The following NFU1 variants were observed in gnomAD, a reference collection of about 807,000 sequenced individuals.
NFU1 encodes NFU1 iron-sulfur cluster scaffold, also known as NFU1 iron-sulfur cluster scaffold homolog, mitochondrial.
Under a neutral mutation model 32.2 loss-of-function variants are expected in NFU1, and 30 were observed. That is an observed-to-expected ratio of 0.93 (90% CI 0.70 to 1.26). The LOEUF (loss-of-function observed/expected upper bound fraction) is 1.26. NFU1 is among the 50% of genes most tolerant of loss of function. The pLI is 0.00. For missense variants in NFU1, 306 were observed against 306.6 expected (o/e 1.00, Z 0.02); for synonymous variants, 112 against 104.6 (o/e 1.07, Z -0.43).
In NFU1 at chr2:69,425,636, T is replaced by A. The variant is rs1038492149; in HGVS notation, c.167-1919A>T. ...TCCCAAAGTGGTGGGATTACAGGTG[T>A]AAGCCACTGTGCCCGGCCTAATTTT... On this transcript the variant is annotated intron_variant, in intron 2 of 7. Transcript: ENST00000410022. Among the ~76,000 whole-genome samples the A allele has an allele frequency of 4.6e-5, 7 of 152,064 alleles. No homozygotes were observed. In the East Asian group the frequency reaches 1.4e-3, roughly 29 times the overall value.
At chr2:69,439,541 C>T (rs967865756), upstream of NFU1, among the ~76,000 whole-genome samples, 4 of 152,212 alleles carry the variant, frequency 2.6e-5, no homozygotes, top group African/African-American at 7.2e-5. Context: ...GCTTTCATAA[C>T]ATGGAAGGGG....
chr2:69,428,974 T>C (rs931961079), intron 2 of NFU1, among the ~76,000 whole-genome samples: 2 of 152,162 alleles, frequency 1.3e-5, no homozygotes, highest in African/African-American at 4.8e-5. Flanking sequence ...CTCCCATACA[T>C]TTTGTTTAAA....
intron 6 of NFU1, among the ~76,000 whole-genome samples, chr2:69,401,898 CTTT>C (rs10707742): frequency 1.4e-5 from 2 of 145,026 alleles, no homozygotes; most frequent in Non-Finnish European, 1.5e-5. Flanking sequence ...ATCTTTTTTC[CTTT>C]TTTTTTTTTG....
At chr2:69,421,245 T>A (rs1398417374) in intron 3 of NFU1, among the ~76,000 whole-genome samples, 1 of 151,738 alleles carries the variant, frequency 6.6e-6, no homozygotes, top group Non-Finnish European at 1.5e-5. Context: ...AAATAAAATA[T>A]GAAAAACAAA....
intron 6 of NFU1, among the ~76,000 whole-genome samples, chr2:69,404,239 C>A (rs1672621026): frequency 6.6e-6 from 1 of 151,356 alleles, no homozygotes; most frequent in African/African-American, 2.4e-5. Flanking sequence ...CGCCTGTAAT[C>A]CCGGCACTTT....
At chr2:69,421,851 C>G (rs564099752) in intron 3 of NFU1, among the ~76,000 whole-genome samples, 1 of 151,956 alleles carries the variant, frequency 6.6e-6, no homozygotes, top group Non-Finnish European at 1.5e-5. Context: ...GATGAGCCAC[C>G]GCACCTGGCC....
At chr2:69,433,303 C>T (rs1235012040) in intron 1 of NFU1, among the ~76,000 whole-genome samples, 2 of 151,946 alleles carry the variant, frequency 1.3e-5, no homozygotes, top group East Asian at 3.9e-4. Context: ...CTCAGCCTCC[C>T]GAGTAGCTGA....
At chr2:69,413,281 G>A (rs1210806884) in intron 5 of NFU1, among the ~76,000 whole-genome samples, 4 of 122,556 alleles carry the variant, frequency 3.3e-5, no homozygotes, top group African/African-American at 6.2e-5. Flanking sequence ...GCGAAACTCC[G>A]TTTCAAAAAA....
rs1442114906 is a variant in NFU1 at position 69,424,201 on chromosome 2, A to ATATATATATATG, written c.167-485_167-484insCATATATATATA. Reference sequence around the variant, plus strand: ...AAAAAAAAAAAAAAAAAAAAAAAATATATATATATATATATATATCTCAAT... The same window carrying ATATATATATATG: ...AAAAAAAAAAAAAAAAAAAAAAAATATATATATATATGTATATATATATATATATATCTCAAT... On this transcript the variant is annotated intron_variant, in intron 2 of 7. Transcript: ENST00000410022. Among the ~76,000 whole-genome samples the ATATATATATATG allele has an allele frequency of 2.2e-3, 180 of 82,156 alleles. 5 individuals carry two copies. The East Asian group carries it at 0.044, about 20-fold the overall frequency. 53.9% of individuals were successfully genotyped at this position (82,156 alleles called of 152,430 possible).
At chr2:69,405,531 T>C (rs368927094) in intron 6 of NFU1, among the ~76,000 whole-genome samples, 14 of 152,324 alleles carry the variant, frequency 9.2e-5, no homozygotes, top group African/African-American at 3.1e-4. Context: ...CTGGCAGCTA[T>C]CTAATGCTTT....
At chr2:69,431,304 C>T (rs147667633) in intron 2 of NFU1, among the ~76,000 whole-genome samples, 80 of 151,960 alleles carry the variant, frequency 5.3e-4, no homozygotes, top group African/African-American at 1.8e-3. Flanking sequence ...AAACACAATC[C>T]CCATTTGAAA....
intron 1 of NFU1, among the ~76,000 whole-genome samples, chr2:69,434,379 T>C (rs188131129): frequency 2.6e-5 from 4 of 152,018 alleles, no homozygotes; most frequent in Non-Finnish European, 5.9e-5. Flanking sequence ...CCTGACCTCA[T>C]GATCCACTAG....
rs182993308 is a variant in NFU1, at chr2:69,425,061, G to A, written c.167-1344C>T. 8.6e-5 allele frequency among the ~76,000 whole-genome samples: 13 copies of A among 151,922 alleles called. No homozygotes were observed. In the East Asian group the frequency reaches 2.3e-3, roughly 27 times the overall value. On this transcript the variant is annotated intron_variant, in intron 2 of 7. Coordinates refer to ENST00000410022, the MANE Select transcript of NFU1 (RefSeq NM_001002755.4). Reference sequence around the variant, plus strand: ...CCGGCTAATTTTTTCTGTATTTTTAGTAGAGACGGGGTTTCACTGTGTTAC... The same window carrying A: ...CCGGCTAATTTTTTCTGTATTTTTAATAGAGACGGGGTTTCACTGTGTTAC...
In NFU1 at chr2:69,396,225, C is replaced by T; in HGVS notation, c.*21G>A. On this transcript the variant is annotated 3_prime_UTR_variant, in exon 8 of 8. Coordinates refer to ENST00000410022, the MANE Select transcript of NFU1 (RefSeq NM_001002755.4). ...TTATCAACAAGTCTGACTGTTATGC[C>T]CAAAGAAAATCCAGATTATTTTAAG... 1.2e-6 allele frequency: 2 copies of T among 1,602,582 alleles called. No homozygotes were observed. Among genetic ancestry groups the T allele is most frequent in the Admixed American group, 1.7e-5 (1 of 59,922 alleles).
intron 2 of NFU1, among the ~76,000 whole-genome samples, chr2:69,424,217 A>ATCTCTC (rs1381979003): frequency 1.5e-5 from 2 of 130,578 alleles, no homozygotes; most frequent in African/African-American, 6.3e-5. Context: ...ATATATATAT[A>ATCTCTC]TATCTCAATA....
At position 69,437,174 on chromosome 2, in the gene NFU1, C is replaced by T. The variant is rs1673870895; in HGVS notation, c.62+187G>A. 3.0e-6 allele frequency: 4 copies of T among 1,329,660 alleles called. No individual in the cohort carries two copies. The Admixed American group carries it at 1.1e-4, about 38-fold the overall frequency. 82.4% of individuals were successfully genotyped at this position (1,329,660 alleles called of 1,614,324 possible). A position where few individuals can be genotyped will look rare whatever the true frequency, so the allele number is the denominator to read the frequency against. ...TCCAGAGAGTCCGCCCGGATTAGGC[C>T]ACAGAAGCGCCGAGCTCCCGCACAG... On this transcript the variant is annotated intron_variant, in intron 1 of 7. Coordinates refer to ENST00000410022, the MANE Select transcript of NFU1 (RefSeq NM_001002755.4).
intron 4 of NFU1, among the ~76,000 whole-genome samples, chr2:69,416,909 A>T (rs72907067): frequency 6.6e-6 from 1 of 152,180 alleles, no homozygotes; most frequent in East Asian, 1.9e-4. Context: ...AAAAACAAAA[A>T]AAGGAAACAA....
chr2:69,423,243 AGTGTGT>A (rs772105664), intron 3 of NFU1, among the ~76,000 whole-genome samples: 4,029 of 87,818 alleles, frequency 0.046, 84 homozygotes, highest in African/African-American at 0.054. Flanking sequence ...TCTCTGTGTG[AGTGTGT>A]GTGTGTGTGT....
chr2:69,400,748 T>C (rs1336003702), intron 6 of NFU1, among the ~76,000 whole-genome samples: 1 of 152,054 alleles, frequency 6.6e-6, no homozygotes, highest in African/African-American at 2.4e-5. Flanking sequence ...AATTCACTCA[T>C]ACAAATATTT....
Sources: allele counts gnomAD v4.1 joint callset (sites outside exome capture counted in the v4.1 genomes callset), GRCh38; gene constraint gnomAD v4.1.1; transcripts MANE v1.5; gene names NCBI Gene and HGNC (gene_info 2026-07-23, HGNC 2026-07-21).